Variants in PKD1L1 observed in about 807,000 individuals in gnomAD.
PKD1L1 encodes polycystin-1-like protein 1.
Under a neutral mutation model 323.4 loss-of-function variants are expected in PKD1L1, and 236 were observed. The observed-to-expected ratio is 0.73, with a 90% CI of 0.66 to 0.81. The LOEUF (loss-of-function observed/expected upper bound fraction) is 0.81, where lower values mean the gene tolerates loss of function less well. Among genes scored for constraint, PKD1L1 ranks in the 40% least tolerant of loss-of-function variants. The pLI is 0.00. For synonymous variants in PKD1L1, 1,344 were observed against 1,335.0 expected (o/e 1.01, Z -0.15); for missense variants, 3,320 against 3,508.0 (o/e 0.95, Z 1.35).
At chr7:47,829,676 C>A in intron 43 of PKD1L1, 75 bp from the exon 44 acceptor site, 1 of 1,428,520 alleles carries the variant, frequency 7.0e-7, no homozygotes, top group Non-Finnish European at 9.4e-7. Context: ...GTCCTCCCGT[C>A]CCCTAATCAT....
chr7:47,849,973 G>T (rs1279937779), intron 31 of PKD1L1, among the ~76,000 whole-genome samples: 2 of 152,106 alleles, frequency 1.3e-5, no homozygotes, highest in African/African-American at 4.8e-5. Flanking sequence ...AAGCTATCAG[G>T]ATGAAAAGGC....
chr7:47,887,930 C>T, intron 17 of PKD1L1, 60 bp downstream of exon 17: 2 of 1,515,608 alleles, frequency 1.3e-6, no homozygotes, highest in Non-Finnish European at 1.8e-6. Flanking sequence ...TTTTAGCAAT[C>T]TCACAATAAC....
the PKD1L1 span, among the ~76,000 whole-genome samples, chr7:47,957,675 T>C: frequency 6.6e-6 from 1 of 151,986 alleles, no homozygotes; most frequent in African/African-American, 2.4e-5. Context: ...TTTGTATTTT[T>C]TGTAGAGAAA....
intron 4 of PKD1L1, among the ~76,000 whole-genome samples, chr7:47,933,663 C>T (rs1787814562): frequency 6.6e-6 from 1 of 152,132 alleles, no homozygotes; most frequent in South Asian, 2.1e-4. Flanking sequence ...ACATAACTAA[C>T]TCCATCTTAG....
At chr7:47,793,421 T>G (rs1787000656) in intron 55 of PKD1L1, among the ~76,000 whole-genome samples, 2 of 152,164 alleles carry the variant, frequency 1.3e-5, no homozygotes, top group African/African-American at 4.8e-5. Context: ...TGATAGTGAA[T>G]AAGATCTCAT....
chr7:47,775,098 T>G lies in PKD1L1; in HGVS notation c.*45A>C. The G allele has an allele frequency of 6.2e-7, 1 of 1,603,058 alleles. No homozygotes were observed. The highest frequency in any genetic ancestry group is 2.3e-5 in the East Asian group (1 of 44,132). On this transcript the variant is annotated 3_prime_UTR_variant, in exon 57 of 57. Coordinates refer to ENST00000289672, the MANE Select transcript of PKD1L1 (RefSeq NM_138295.5). ...TGCTAAAATTGGCTGTTGGGTGGGTTAAGCAAAACAGGGTCCATAGTGCCT... is the reference window on the plus strand; with the variant it reads ...TGCTAAAATTGGCTGTTGGGTGGGTGAAGCAAAACAGGGTCCATAGTGCCT...
chr7:47,870,985 A>G (rs200324924), intron 24 of PKD1L1, among the ~76,000 whole-genome samples: 31 of 27,962 alleles, frequency 1.1e-3, no homozygotes, highest in East Asian at 3.5e-3. Flanking sequence ...AAAAAAAAAG[A>G]AAAAAAAAAA....
chr7:47,802,173 CA>C (rs1784677312), intron 53 of PKD1L1, among the ~76,000 whole-genome samples: 1 of 129,922 alleles, frequency 7.7e-6, no homozygotes, highest in South Asian at 2.5e-4. Context: ...GCCTGGGTGA[CA>C]GAGCGAGACT....
chr7:47,793,156 A>T (rs1413795892), intron 55 of PKD1L1, among the ~76,000 whole-genome samples: 1 of 152,060 alleles, frequency 6.6e-6, no homozygotes, highest in Non-Finnish European at 1.5e-5. Context: ...GAGCACTATT[A>T]AAAAAATAAG....
chr7:47,910,826 TTG>T lies in PKD1L1; in HGVS notation c.1229-2578_1229-2577del, dbSNP rs60550498. Among the ~76,000 whole-genome samples, 624 of 126,038 alleles carry T rather than the reference TTG, an allele frequency of 5.0e-3. 3 individuals are homozygous for T. Among genetic ancestry groups the T allele is most frequent in the Middle Eastern group, 0.016 (4 of 246 alleles). The allele number at this position is 126,038 out of a possible 152,430, so 82.7% of individuals were successfully genotyped here. The stretch of plus-strand genomic sequence containing the variant: ...TGTCCGCCACCACGCCCAGCTGATT[TTG>T]TGTGTGTGTGTGTGTGTGTGTGTGT... On this transcript the variant is annotated intron_variant, in intron 8 of 56. Transcript: ENST00000289672.
chr7:47,841,586 G>A lies in PKD1L1; in HGVS notation c.5446-1019C>T, dbSNP rs575950552. On this transcript the variant is annotated intron_variant, in intron 34 of 56. Coordinates refer to ENST00000289672, the MANE Select transcript of PKD1L1 (RefSeq NM_138295.5). The stretch of plus-strand genomic sequence containing the variant: ...TGCCTTAGGTTTTCATTTGTAAAGG[G>A]GGTATATTAATAGAATTTCATTCAC... Among the ~76,000 whole-genome samples, 5 of 152,204 alleles carry A rather than the reference G, an allele frequency of 3.3e-5. No homozygotes were observed. The South Asian group carries it at 1.0e-3, about 32-fold the overall frequency.
chr7:47,880,249 T>TAGATAG (rs1424463564), intron 21 of PKD1L1, among the ~76,000 whole-genome samples: 12 of 101,662 alleles, frequency 1.2e-4, no homozygotes, highest in African/African-American at 5.6e-4. Context: ...ATAAATAAGA[T>TAGATAG]ATATATATAT....
chr7:47,822,371 A>C (rs919969120), intron 45 of PKD1L1, among the ~76,000 whole-genome samples: 1 of 152,006 alleles, frequency 6.6e-6, no homozygotes, highest in Non-Finnish European at 1.5e-5. Flanking sequence ...CAGGCGGATC[A>C]CGAGGTCAGG....
chr7:47,825,404 G>A (rs1475389371), intron 45 of PKD1L1, among the ~76,000 whole-genome samples: 1 of 151,984 alleles, frequency 6.6e-6, no homozygotes, highest in African/African-American at 2.4e-5. Context: ...GGTGGCACAT[G>A]CCTGCAATCT....
intron 56 of PKD1L1, among the ~76,000 whole-genome samples, chr7:47,779,042 C>G (rs1384401112): frequency 6.6e-6 from 1 of 152,176 alleles, no homozygotes. Context: ...ATATTCTTTC[C>G]TACCCTTCAC....
intron 3 of PKD1L1, among the ~76,000 whole-genome samples, chr7:47,937,410 G>A (rs943553128): frequency 1.3e-5 from 2 of 152,276 alleles, no homozygotes; most frequent in African/African-American, 4.8e-5. Flanking sequence ...CAGAAGTCTC[G>A]TGGGGCTGCA....
intron 7 of PKD1L1, among the ~76,000 whole-genome samples, chr7:47,918,188 C>A (rs1044828632): frequency 6.6e-6 from 1 of 152,042 alleles, no homozygotes; most frequent in African/African-American, 2.4e-5. Context: ...AGTAGCTATT[C>A]TCATATCAAA....
chr7:47,861,880 C>CAATA (rs1476544075), intron 26 of PKD1L1, among the ~76,000 whole-genome samples: 5 of 43,918 alleles, frequency 1.1e-4, no homozygotes, highest in African/African-American at 4.9e-4. Context: ...GACTCTGTCT[C>CAATA]AAAAAAAAAA....
chr7:47,792,314 G>GT (rs201298733), intron 56 of PKD1L1, among the ~76,000 whole-genome samples: 5,834 of 151,058 alleles, frequency 0.039, 196 homozygotes, highest in South Asian at 0.13. Flanking sequence ...AGATTTCTGG[G>GT]TTTTTTTTTG....
Sources: allele counts gnomAD v4.1 joint callset (sites outside exome capture counted in the v4.1 genomes callset), GRCh38; gene constraint gnomAD v4.1.1; transcripts MANE v1.5; gene names NCBI Gene and HGNC (gene_info 2026-07-23, HGNC 2026-07-21).